The following SLC46A3 variants were observed in gnomAD, a reference collection of about 807,000 sequenced individuals.
The protein encoded by SLC46A3 is solute carrier family 46 member 3.
In SLC46A3, 26 loss-of-function variants were observed where a neutral mutation model predicts 38.5. The observed-to-expected ratio is 0.68, with a 90% confidence interval of 0.49 to 0.94. The LOEUF (loss-of-function observed/expected upper bound fraction) is 0.94. Among genes scored for constraint, SLC46A3 ranks in the 40% least tolerant of loss-of-function variants. SLC46A3 has a pLI of 0.00. For synonymous variants in SLC46A3, 185 were observed against 192.5 expected (o/e 0.96, Z 0.32); for missense variants, 510 against 544.3 (o/e 0.94, Z 0.63).
rs909443072 is a variant in SLC46A3, at chr13:28,701,440, A to C, written c.*57T>G. 16 of 1,588,880 alleles carry C rather than the reference A, an allele frequency of 1.0e-5. No individual in the cohort carries two copies. The Admixed American group carries it at 1.5e-4, about 15-fold the overall frequency. ...TGTGGAATTCATTTATAGTCTTCAG[A>C]AGTCATGGTATATGATATGTGCATT... On this transcript the variant is annotated 3_prime_UTR_variant, in exon 6 of 6. Transcript: ENST00000266943.
chr13:28,701,931 T>C (rs1455353387), intron 5 of SLC46A3, among the ~76,000 whole-genome samples: 2 of 152,160 alleles, frequency 1.3e-5, no homozygotes, highest in Non-Finnish European at 2.9e-5. Flanking sequence ...TAAGACAGTA[T>C]GTAATTTTGA....
In SLC46A3 at chr13:28,713,361, G is replaced by T. The variant is rs773647256; in HGVS notation, c.379C>A (p.Pro127Thr). 6.2e-7 allele frequency: 1 copy of T among 1,614,026 alleles called. No homozygotes were observed. Among genetic ancestry groups the T allele is most frequent in the Middle Eastern group, 1.6e-4 (1 of 6,062 alleles). Reference sequence around the variant, plus strand: ...GTAGATGCAATCAAAAGCTGGAATGGAAAGGCAAAATAGCAAAGCAAACAG... The same window carrying T: ...GTAGATGCAATCAAAAGCTGGAATGTAAAGGCAAAATAGCAAAGCAAACAG... ...WLCLLCYFAF[P>T]FQLLIASTFI... Residue 127 changes from proline (P) to threonine (T), a missense_variant, in exon 3 of 6, where the codon CCA becomes ACA. By Grantham distance (38) the Pro-to-Thr change is conservative. Coordinates refer to ENST00000266943, the MANE Select transcript of SLC46A3 (RefSeq NM_181785.4).
At chr13:28,717,225 C>G (rs926051166) in intron 2 of SLC46A3, among the ~76,000 whole-genome samples, 12 of 152,116 alleles carry the variant, frequency 7.9e-5, no homozygotes, top group African/African-American at 2.9e-4. Flanking sequence ...CCCCACACAG[C>G]TGCTCCTCAA....
At chr13:28,717,269 C>A (rs548181707) in intron 2 of SLC46A3, among the ~76,000 whole-genome samples, 1 of 152,088 alleles carries the variant, frequency 6.6e-6, no homozygotes, top group East Asian at 1.9e-4. Flanking sequence ...GATACCACCA[C>A]CAAATAATAA....
Position 28,710,807 on chromosome 13 carries a change from G to C in SLC46A3, c.1097C>G (p.Ser366Cys). ...VPFLFTIVPF[S>C]VLRSMLSKVV... ...TTTTGACAACATGGACCGTAGAACAGAGAATGGCACAATAGTGAAAAGGAA... is the reference window on the plus strand; with the variant it reads ...TTTTGACAACATGGACCGTAGAACACAGAATGGCACAATAGTGAAAAGGAA... Residue 366 changes from serine (S) to cysteine (C), a missense_variant, in exon 4 of 6, where the codon TCT becomes TGT. Ser to Cys is a moderately radical substitution (Grantham distance 112, BLOSUM62 -1). Transcript: ENST00000266943. The C allele has an allele frequency of 6.2e-7, 1 of 1,614,088 alleles. No homozygotes were observed. Among genetic ancestry groups the C allele is most frequent in the Non-Finnish European group, 8.5e-7 (1 of 1,179,990 alleles).
chr13:28,701,933 T>G (rs1054090196), intron 5 of SLC46A3, among the ~76,000 whole-genome samples: 3 of 152,160 alleles, frequency 2.0e-5, no homozygotes, highest in Non-Finnish European at 4.4e-5. Flanking sequence ...AGACAGTATG[T>G]AATTTTGATT....
intron 4 of SLC46A3, among the ~76,000 whole-genome samples, chr13:28,707,964 T>C (rs766698169): frequency 1.3e-5 from 2 of 152,222 alleles, no homozygotes; most frequent in African/African-American, 4.8e-5. Flanking sequence ...CTTCTTAAAT[T>C]TGGCATAATC....
intron 2 of SLC46A3, among the ~76,000 whole-genome samples, chr13:28,715,421 C>A (rs1885500709): frequency 6.6e-6 from 1 of 152,236 alleles, no homozygotes; most frequent in South Asian, 2.1e-4. Flanking sequence ...CAAGGCCCGT[C>A]TTCCCTCAGT....
intron 2 of SLC46A3, among the ~76,000 whole-genome samples, chr13:28,714,139 TACAA>T (rs1885451164): frequency 5.0e-5 from 1 of 20,154 alleles, no homozygotes; most frequent in African/African-American, 1.5e-4. Context: ...TACCAAAAAA[TACAA>T]AAAAAAAAAA....
chr13:28,705,451 T>C (rs1233044833), intron 4 of SLC46A3, among the ~76,000 whole-genome samples: 2 of 152,234 alleles, frequency 1.3e-5, no homozygotes, highest in African/African-American at 4.8e-5. Flanking sequence ...TTGTACATAT[T>C]CTCATATATT....
Position 28,713,162 on chromosome 13 carries a change from T to C in SLC46A3, c.578A>G (p.Glu193Gly). 1 of 1,613,972 alleles carries C rather than the reference T, an allele frequency of 6.2e-7. No individual in the cohort carries two copies. The highest frequency in any genetic ancestry group is 8.5e-7 in the Non-Finnish European group (1 of 1,179,974). Residue 193 changes from glutamate to glycine, a missense_variant, in exon 3 of 6, where the codon GAG becomes GGG. Physicochemically the swap from Glu to Gly is moderately conservative, Grantham distance 98. Coordinates refer to ENST00000266943, the MANE Select transcript of SLC46A3 (RefSeq NM_181785.4). Reference protein sequence around the residue: ...TGLSSGYFIRELGFEWSFLII... With the variant: ...TGLSSGYFIRGLGFEWSFLII... ...TAGAAACGACCACTCAAAACCTAGCTCTCTAATAAAATAGCCAGATGACAG... is the reference window on the plus strand; with the variant it reads ...TAGAAACGACCACTCAAAACCTAGCCCTCTAATAAAATAGCCAGATGACAG...
At chr13:28,704,924 G>T (rs1314326524) in intron 4 of SLC46A3, among the ~76,000 whole-genome samples, 5 of 152,208 alleles carry the variant, frequency 3.3e-5, no homozygotes, top group Non-Finnish European at 7.3e-5. Flanking sequence ...TGTTCATGAA[G>T]TCTGCATGGT....
intron 2 of SLC46A3, among the ~76,000 whole-genome samples, chr13:28,714,157 A>AAT (rs1555260405): frequency 0.027 from 3,886 of 143,030 alleles, 109 homozygotes; most frequent in African/African-American, 0.068. Context: ...AAAAAAAAAA[A>AAT]AACCTTTATT....
At chr13:28,716,614 C>T (rs1885536565) in intron 2 of SLC46A3, among the ~76,000 whole-genome samples, 2 of 151,828 alleles carry the variant, frequency 1.3e-5, no homozygotes, top group South Asian at 4.2e-4. Context: ...TTTTTTATGA[C>T]CTTACTCTAC....
chr13:28,703,846 G>T, intron 5 of SLC46A3, 97 bp downstream of exon 5: 2 of 1,141,782 alleles, frequency 1.8e-6, no homozygotes, highest in Non-Finnish European at 2.5e-6. Flanking sequence ...ACGTTCTGAG[G>T]CAAAATTTCA....
intron 2 of SLC46A3, among the ~76,000 whole-genome samples, chr13:28,714,193 A>AT (rs77683201): frequency 0.12 from 16,767 of 143,720 alleles, 1,432 homozygotes; most frequent in East Asian, 0.35. Context: ...TGTTGCCCTT[A>AT]TTTTTTTTTT....
chr13:28,702,279 C>T (rs1431124363), intron 5 of SLC46A3, among the ~76,000 whole-genome samples: 1 of 152,142 alleles, frequency 6.6e-6, no homozygotes, highest in Non-Finnish European at 1.5e-5. Flanking sequence ...GCCACGGTGC[C>T]TGCTACAATT....
At chr13:28,710,667 T>C (rs1885315658) in intron 4 of SLC46A3, 93 bp downstream of exon 4, 1 of 948,738 alleles carries the variant, frequency 1.1e-6, no homozygotes, top group Non-Finnish European at 1.7e-6. Context: ...TAAAAAGGGC[T>C]GTAGAATATT....
At chr13:28,704,169 A>C in intron 4 of SLC46A3, 70 bp from the exon 5 acceptor site, 133 of 1,344,756 alleles carry the variant, frequency 9.9e-5, no homozygotes, top group Middle Eastern at 4.6e-4. Flanking sequence ...ACACAAACTA[A>C]TGGAGACAAC....
Sources: allele counts gnomAD v4.1 joint callset (sites outside exome capture counted in the v4.1 genomes callset), GRCh38; gene constraint gnomAD v4.1.1; transcripts MANE v1.5; gene names NCBI Gene and HGNC (gene_info 2026-07-23, HGNC 2026-07-21).